Variants in BEND7 observed in about 807,000 individuals in gnomAD.
BEND7 encodes the protein BEN domain-containing protein 7.
Under a neutral mutation model 50.9 loss-of-function variants are expected in BEND7, and 28 were observed. That is an observed-to-expected ratio of 0.55 (90% CI 0.41 to 0.75). BEND7 has a LOEUF of 0.75. Among genes scored for constraint, BEND7 ranks in the 30% least tolerant of loss-of-function variants. BEND7 has a pLI of 0.00. For missense variants in BEND7, 477 were observed against 491.3 expected (o/e 0.97, Z 0.28); for synonymous variants, 170 against 183.9 (o/e 0.92, Z 0.61).
intron 6 of BEND7, among the ~76,000 whole-genome samples, chr10:13,476,043 A>C (rs1477345064): frequency 6.6e-6 from 1 of 152,202 alleles, no homozygotes; most frequent in Admixed American, 6.5e-5. Flanking sequence ...TGCAAATTCC[A>C]CCCCAACCGT....
intron 1 of BEND7, among the ~76,000 whole-genome samples, chr10:13,528,042 G>C (rs1564432683): frequency 1.3e-5 from 2 of 152,140 alleles, no homozygotes; most frequent in African/African-American, 4.8e-5. Flanking sequence ...TTCTTAAAAA[G>C]AACAACAACG....
At chr10:13,461,470 C>T (rs1840178460) in intron 6 of BEND7, among the ~76,000 whole-genome samples, 1 of 152,236 alleles carries the variant, frequency 6.6e-6, no homozygotes, top group South Asian at 2.1e-4. Context: ...CAGTGGCTCA[C>T]ACCTGTAATC....
In BEND7 at chr10:13,495,389, C is replaced by T. The variant is rs1439893243; in HGVS notation, c.571+1377G>A. Among the ~76,000 whole-genome samples, 3 of 152,202 alleles carry T rather than the reference C, an allele frequency of 2.0e-5. 1 individual carries two copies. The East Asian group carries it at 5.8e-4, about 29-fold the overall frequency. On this transcript the variant is annotated intron_variant, in intron 4 of 8. Transcript: ENST00000466271. ...TAAAAAGATGCTGTTTAGCCCGGCG[C>T]GGTGGCTCACGCCTGTAATCCCAGC...
chr10:13,492,541 T>C, intron 5 of BEND7, 70 bp downstream of exon 5: 1 of 1,561,116 alleles, frequency 6.4e-7, no homozygotes, highest in South Asian at 1.2e-5. Context: ...AAAAGGGAAA[T>C]CTATAAATAC....
chr10:13,500,211 T>A lies in BEND7; in HGVS notation c.146-131A>T, dbSNP rs541441905. On this transcript the variant is annotated intron_variant, in intron 2 of 8. Coordinates refer to ENST00000466271, the MANE Select transcript of BEND7 (RefSeq NM_001369863.1). ...AAGATGACTGACTCTATGAACTTAA[T>A]CTGTAAAACGCAAAGGCAGGAAAAC... 2.0e-4 allele frequency: 166 copies of A among 834,074 alleles called. 3 individuals are homozygous for A. In the Middle Eastern group the frequency reaches 4.5e-3, roughly 23 times the overall value. The allele number at this position is 834,074 out of a possible 1,614,324, so 51.7% of individuals were successfully genotyped here.
chr10:13,460,649 A>T (rs537059661), intron 6 of BEND7, among the ~76,000 whole-genome samples: 17 of 152,222 alleles, frequency 1.1e-4, no homozygotes, highest in Non-Finnish European at 2.4e-4. Flanking sequence ...TGCACCCACA[A>T]ATCTTAGAGG....
intron 2 of BEND7, among the ~76,000 whole-genome samples, chr10:13,518,195 G>C (rs1214872355): frequency 2.0e-5 from 3 of 152,100 alleles, no homozygotes; most frequent in African/African-American, 7.2e-5. Context: ...TCATTTATAG[G>C]GCAGTTGCTG....
intron 8 of BEND7, chr10:13,446,265 C>T (rs1247824541): frequency 6.6e-6 from 1 of 152,200 alleles, no homozygotes; most frequent in Non-Finnish European, 1.5e-5. Context: ...TGCTCTGAAG[C>T]TCTGAAGTTC....
intron 6 of BEND7, among the ~76,000 whole-genome samples, chr10:13,454,707 T>C (rs1418415935): frequency 2.6e-5 from 4 of 152,314 alleles, no homozygotes; most frequent in South Asian, 2.1e-4. Flanking sequence ...TATTGCTGCA[T>C]TGAATTTTTT....
intron 2 of BEND7, among the ~76,000 whole-genome samples, chr10:13,501,108 CTCACGCCTGTAA>C (rs1301008589): frequency 2.6e-5 from 4 of 152,230 alleles, no homozygotes; most frequent in Non-Finnish European, 5.9e-5. Context: ...GGCACAGTGG[CTCACGCCTGTAA>C]TCCCAGCACT....
intron 5 of BEND7, among the ~76,000 whole-genome samples, chr10:13,481,485 TA>T (rs924781060): frequency 7.9e-5 from 12 of 151,394 alleles, no homozygotes; most frequent in African/African-American, 2.2e-4. Context: ...AAAGAGATCA[TA>T]AAAAAAAAGA....
At chr10:13,527,879 CTTTCT>C (rs1352892275) in intron 1 of BEND7, 21 of 978,288 alleles carry the variant, frequency 2.1e-5, no homozygotes, top group East Asian at 1.1e-4. Flanking sequence ...GATTTCTTTT[CTTTCT>C]TTTCTTTTTT....
intron 2 of BEND7, among the ~76,000 whole-genome samples, chr10:13,504,862 C>T (rs1295348528): frequency 6.6e-6 from 1 of 152,194 alleles, no homozygotes; most frequent in African/African-American, 2.4e-5. Flanking sequence ...TTCTCCCCCT[C>T]ACTAAATTTC....
At chr10:13,492,461 A>C (rs993848003) in intron 5 of BEND7, 150 bp downstream of exon 5, 99 of 1,078,048 alleles carry the variant, frequency 9.2e-5, no homozygotes, top group Middle Eastern at 2.9e-4. Context: ...AGAAAACTCC[A>C]GACAAGAAAA....
Position 13,499,939 on chromosome 10 carries a change from G to A in BEND7, c.287C>T (p.Pro96Leu). 6.2e-7 allele frequency: 1 copy of A among 1,614,208 alleles called. No individual in the cohort carries two copies. Among genetic ancestry groups the A allele is most frequent in the East Asian group, 2.2e-5 (1 of 44,878 alleles). Residue 96 changes from proline (P) to leucine (L), a missense_variant, in exon 3 of 9, where the codon CCT becomes CTT. By Grantham distance (98) the Pro-to-Leu change is moderately conservative. Transcript: ENST00000466271. ...CTCAGCAGAGGAGTTCAAACGTGGA[G>A]GCCAGACTAAATCCAGGTCCTGGGG... Reference protein sequence around the residue: ...EEPQDLDLVWPPRLNSSAEAP... With the variant: ...EEPQDLDLVWLPRLNSSAEAP...
Position 13,441,442 on chromosome 10 carries a change from A to AG in BEND7, c.*300_*301insC. On this transcript the variant is annotated 3_prime_UTR_variant, in exon 9 of 9. Transcript: ENST00000466271. ...GTATTTCCAGTGTGTAGATCCGTTC[A>AG]TCGCACACATCTTTGGGTTGAACAA... The AG allele has an allele frequency of 8.9e-7, 1 of 1,117,932 alleles. No individual in the cohort carries two copies. The highest frequency in any genetic ancestry group is 1.1e-6 in the Non-Finnish European group (1 of 923,052). 69.3% of individuals were successfully genotyped at this position (1,117,932 alleles called of 1,614,324 possible).
chr10:13,448,548 C>T (rs1307954526), intron 7 of BEND7, among the ~76,000 whole-genome samples: 1 of 152,156 alleles, frequency 6.6e-6, no homozygotes, highest in Non-Finnish European at 1.5e-5. Flanking sequence ...TATTGTATGG[C>T]TCCCCTGTCT....
intron 2 of BEND7, among the ~76,000 whole-genome samples, chr10:13,519,319 C>CA (rs1046002057): frequency 2.6e-5 from 4 of 151,696 alleles, no homozygotes; most frequent in African/African-American, 9.7e-5. Flanking sequence ...AAAAAAAATA[C>CA]AAAAAAATTA....
In BEND7 at chr10:13,526,152, T is replaced by C; in HGVS notation, c.131A>G (p.Gln44Arg). The C allele has an allele frequency of 7.8e-7, 1 of 1,288,814 alleles. No individual in the cohort carries two copies. The highest frequency in any genetic ancestry group is 1.2e-5 in the South Asian group (1 of 80,882). 79.8% of individuals were successfully genotyped at this position (1,288,814 alleles called of 1,614,324 possible). ...NDVNGEAKET[Q>R]PIFLGDESME... ...TAGGAACCTACCTAAAAAAATGGGC[T>C]GTGTCTCTTTGGCCTCCCCATTAAC... is the stretch of plus-strand genomic sequence containing the variant. Residue 44 changes from glutamine (Q) to arginine (R), a missense_variant, in exon 2 of 9, where the codon CAG (glutamine) becomes CGG (arginine). Physicochemically the swap from Gln to Arg is conservative, Grantham distance 43. Coordinates refer to ENST00000466271, the MANE Select transcript of BEND7 (RefSeq NM_001369863.1).
Sources: allele counts gnomAD v4.1 joint callset (sites outside exome capture counted in the v4.1 genomes callset), GRCh38; gene constraint gnomAD v4.1.1; transcripts MANE v1.5; gene names NCBI Gene and HGNC (gene_info 2026-07-23, HGNC 2026-07-21).